Variants in MARCO observed in about 807,000 individuals in gnomAD.
MARCO encodes macrophage receptor with collagenous structure.
In MARCO, 72 loss-of-function variants were observed where a neutral mutation model predicts 70.0. The ratio of observed to expected loss-of-function variants is 1.03; its 90% confidence interval spans 0.85 to 1.25. The LOEUF (loss-of-function observed/expected upper bound fraction) is 1.25. Ranked by LOEUF, MARCO falls within the 50% of genes most tolerant of loss-of-function variation. MARCO has a pLI of 0.00. For synonymous variants in MARCO, 273 were observed against 243.1 expected, an observed-to-expected ratio of 1.12 and a Z score of -1.14; for missense variants, 696 against 659.3, an observed-to-expected ratio of 1.06 and a Z score of -0.61.
intron 1 of MARCO, among the ~76,000 whole-genome samples, chr2:118,959,698 C>A (rs1274142992): frequency 1.3e-5 from 2 of 152,168 alleles, no homozygotes; most frequent in Non-Finnish European, 2.9e-5. Flanking sequence ...ATGTTTATAG[C>A]AGCACAATTC....
chr2:118,954,741 G>A (rs1679796102), intron 1 of MARCO, among the ~76,000 whole-genome samples: 1 of 152,170 alleles, frequency 6.6e-6, no homozygotes, highest in South Asian at 2.1e-4. Context: ...CACATGAGAG[G>A]ACTTTGTGCA....
rs558727797 is a variant in MARCO, at chr2:118,981,613, C to T, written c.866-8C>T. On this transcript the variant is annotated splice_polypyrimidine_tract_variant and splice_region_variant and intron_variant, in intron 9 of 16. Coordinates refer to ENST00000327097, the MANE Select transcript of MARCO (RefSeq NM_006770.4). ...AAAAAAATTCCTAAAAGTTCTTTTT[C>T]ATCTTAGGTTTGGCTGGTTTTCCTG... The T allele has an allele frequency of 5.0e-6, 8 of 1,605,156 alleles. No homozygotes were observed. The highest frequency in any genetic ancestry group is 6.8e-6 in the Non-Finnish European group (8 of 1,176,780).
chr2:118,963,333 T>G (rs1285425359), intron 1 of MARCO, among the ~76,000 whole-genome samples: 1 of 152,048 alleles, frequency 6.6e-6, no homozygotes, highest in African/African-American at 2.4e-5. Flanking sequence ...TTTTGATGCT[T>G]TCTTAATGAC....
At chr2:118,955,258 AC>A (rs779613980) in intron 1 of MARCO, among the ~76,000 whole-genome samples, 11 of 152,136 alleles carry the variant, frequency 7.2e-5, no homozygotes, top group Non-Finnish European at 1.2e-4. Context: ...AAATAAAAAA[AC>A]AATAAAAATT....
intron 6 of MARCO, among the ~76,000 whole-genome samples, chr2:118,977,082 A>G (rs1275726929): frequency 4.6e-5 from 7 of 152,204 alleles, no homozygotes; most frequent in Non-Finnish European, 2.9e-5. Context: ...CAAGAGCAGG[A>G]ACTCACTCCA....
intron 12 of MARCO, 74 bp from the exon 13 acceptor site, chr2:118,990,515 T>G (rs1680600046): frequency 7.0e-7 from 1 of 1,427,794 alleles, no homozygotes; most frequent in East Asian, 2.3e-5. Context: ...AGGTAGAGGT[T>G]GTCTAAGATT....
rs1172222104 is a variant in MARCO, at chr2:118,986,717, GAAAGAAAA to G, written c.1064-3871_1064-3864del. ...AGAAAGAAAGAAAGAAAGAAAGAAA[GAAAGAAAA>G]GAAAGAAAGAAAGAGAAAGAAAGAG... On this transcript the variant is annotated intron_variant, in intron 12 of 16. Transcript: ENST00000327097. Among the ~76,000 whole-genome samples, 43 of 102,062 alleles carry G rather than the reference GAAAGAAAA, an allele frequency of 4.2e-4. 8 individuals carry two copies. Among genetic ancestry groups the G allele is most frequent in the African/African-American group, 2.1e-3 (42 of 20,478 alleles). The allele number at this position is 102,062 out of a possible 152,430, so 67.0% of individuals were successfully genotyped here. A position where few individuals can be genotyped will look rare whatever the true frequency, so the allele number is the denominator to read the frequency against.
At position 118,986,705 on chromosome 2, in the gene MARCO, GAAAGAAAGAAAGAAAGAAAA is replaced by G. The variant is rs1680517584; in HGVS notation, c.1064-3883_1064-3864del. On this transcript the variant is annotated intron_variant, in intron 12 of 16. Coordinates refer to ENST00000327097, the MANE Select transcript of MARCO (RefSeq NM_006770.4). The stretch of plus-strand genomic sequence containing the variant: ...AGAAAGAAAGAAAGAAAGAAAGAAA[GAAAGAAAGAAAGAAAGAAAA>G]GAAAGAAAGAAAGAGAAAGAAAGAG... Among the ~76,000 whole-genome samples, 8 of 80,678 alleles carry G rather than the reference GAAAGAAAGAAAGAAAGAAAA, an allele frequency of 9.9e-5. 2 individuals are homozygous for G. Among genetic ancestry groups the G allele is most frequent in the African/African-American group, 3.2e-4 (6 of 18,986 alleles). 52.9% of individuals were successfully genotyped at this position (80,678 alleles called of 152,430 possible).
At chr2:118,979,536 C>A (rs1213271905) in intron 8 of MARCO, among the ~76,000 whole-genome samples, 1 of 152,176 alleles carries the variant, frequency 6.6e-6, no homozygotes, top group African/African-American at 2.4e-5. Context: ...CAAGGTGGTC[C>A]TGCCAGCCCC....
At chr2:118,971,402 G>T in intron 3 of MARCO, 97 bp from the exon 4 acceptor site, 2 of 1,192,454 alleles carry the variant, frequency 1.7e-6, no homozygotes, top group East Asian at 4.7e-5. Flanking sequence ...ACACAGGAGG[G>T]CTTACCCTCC....
chr2:118,986,588 A>AGAAAGAAAGAAAGAAAGAAAGAAGGAAG (rs1558671377), intron 12 of MARCO, among the ~76,000 whole-genome samples: 1 of 8,042 alleles, frequency 1.2e-4, no homozygotes, highest in Non-Finnish European at 2.2e-4. Context: ...GAAGGAAAGA[A>AGAAAGAAAGAAAGAAAGAAAGAAGGAAG]GAAAGAAAGA....
chr2:118,965,029 AT>A (rs1284651951), intron 1 of MARCO, among the ~76,000 whole-genome samples: 9 of 151,940 alleles, frequency 5.9e-5, no homozygotes, highest in African/African-American at 9.7e-5. Flanking sequence ...GTGTCTTGAT[AT>A]GGATTTCTTT....
At chr2:118,962,625 C>A (rs1012842352) in intron 1 of MARCO, among the ~76,000 whole-genome samples, 3 of 152,000 alleles carry the variant, frequency 2.0e-5, no homozygotes, top group African/African-American at 7.2e-5. Flanking sequence ...TCATTCTGAT[C>A]TCATAAAATG....
chr2:118,970,572 C>A (rs899566550), intron 3 of MARCO, among the ~76,000 whole-genome samples: 1 of 152,164 alleles, frequency 6.6e-6, no homozygotes, highest in African/African-American at 2.4e-5. Context: ...ACCACTCCCC[C>A]ACAGCTGACT....
chr2:118,959,100 C>G (rs1422311289), intron 1 of MARCO, among the ~76,000 whole-genome samples: 10 of 152,086 alleles, frequency 6.6e-5, no homozygotes, highest in Non-Finnish European at 1.5e-4. Context: ...GACCAAGAAC[C>G]CAAAAGTAAA....
chr2:118,964,507 C>G (rs1158563875), intron 1 of MARCO, among the ~76,000 whole-genome samples: 1 of 152,130 alleles, frequency 6.6e-6, no homozygotes, highest in African/African-American at 2.4e-5. Context: ...TCCTGGTTGA[C>G]AATTCTTCTT....
chr2:118,986,592 A>AGAAAGAAAGAAAGAAAGAAG lies in MARCO; in HGVS notation c.1064-3978_1064-3977insGGAAAGAAAGAAAGAAAGAA, dbSNP rs1558671394. On this transcript the variant is annotated intron_variant, in intron 12 of 16. Transcript: ENST00000327097. ...AGGGAGGGAGGGAAGGAAAGAAGAAAGAAAGAAAGAAAGAAAGAAAGAAAG... is the reference window on the plus strand; with the variant it reads ...AGGGAGGGAGGGAAGGAAAGAAGAAAGAAAGAAAGAAAGAAAGAAGGAAAGAAAGAAAGAAAGAAAGAAAG... Among the ~76,000 whole-genome samples the AGAAAGAAAGAAAGAAAGAAG allele has an allele frequency of 6.5e-3, 71 of 10,954 alleles. 5 individuals carry two copies. The highest frequency in any genetic ancestry group is 0.042 in the East Asian group (11 of 264). 7.2% of individuals were successfully genotyped at this position (10,954 alleles called of 152,430 possible). A position where few individuals can be genotyped will look rare whatever the true frequency, so the allele number is the denominator to read the frequency against.
chr2:118,992,117 C>G (rs988920223), intron 14 of MARCO, among the ~76,000 whole-genome samples: 5 of 152,180 alleles, frequency 3.3e-5, no homozygotes, highest in Non-Finnish European at 7.4e-5. Flanking sequence ...GCACTTGAGC[C>G]ATGCCCCACG....
chr2:118,955,096 G>A (rs920000700), intron 1 of MARCO, among the ~76,000 whole-genome samples: 1 of 151,258 alleles, frequency 6.6e-6, no homozygotes, highest in Non-Finnish European at 1.5e-5. Flanking sequence ...TCCAAGCCAA[G>A]AAGAAATCCC....
Sources: allele counts gnomAD v4.1 joint callset (sites outside exome capture counted in the v4.1 genomes callset), GRCh38; gene constraint gnomAD v4.1.1; transcripts MANE v1.5; gene names NCBI Gene and HGNC (gene_info 2026-07-23, HGNC 2026-07-21).